MKLN1: variants seen among roughly 807,000 people sequenced by gnomAD.
MKLN1 encodes muskelin.
Under a neutral mutation model 99.0 loss-of-function variants are expected in MKLN1, and 18 were observed. The ratio of observed to expected loss-of-function variants is 0.18; its 90% CI spans 0.13 to 0.27. The LOEUF (loss-of-function observed/expected upper bound fraction) is 0.27. Among genes scored for constraint, MKLN1 ranks in the 10% least tolerant of loss-of-function variants. The pLI is 1.00. For synonymous variants in MKLN1, 288 were observed against 293.2 expected (o/e 0.98, Z 0.18); for missense variants, 621 against 875.9 (o/e 0.71, Z 3.67).
At chr7:131,146,066 A>T (rs1279270761) in intron 2 of MKLN1, among the ~76,000 whole-genome samples, 1 of 152,220 alleles carries the variant, frequency 6.6e-6, no homozygotes, top group Non-Finnish European at 1.5e-5. Flanking sequence ...CATTTTACAG[A>T]TGAGAAAGTG....
chr7:131,418,391 A>AAG (rs1563338357), intron 8 of MKLN1, among the ~76,000 whole-genome samples: 4 of 151,596 alleles, frequency 2.6e-5, no homozygotes, highest in South Asian at 2.1e-4. Flanking sequence ...AAAAAAAAAA[A>AAG]AGAGAGATAA....
intron 1 of MKLN1, among the ~76,000 whole-genome samples, chr7:131,121,329 C>T (rs986569238): frequency 1.3e-5 from 2 of 152,130 alleles, no homozygotes; most frequent in Non-Finnish European, 2.9e-5. Flanking sequence ...CAGAGCCAAA[C>T]CATGTCAGCT....
intron 3 of MKLN1, among the ~76,000 whole-genome samples, chr7:131,205,104 A>AAAAAAG (rs1324700226): frequency 6.6e-6 from 1 of 151,976 alleles, no homozygotes; most frequent in Non-Finnish European, 1.5e-5. Flanking sequence ...TCTCAAAAAA[A>AAAAAAG]AAAAAGAAAA....
At chr7:131,332,315 A>G (rs567540775) in intron 1 of MKLN1, among the ~76,000 whole-genome samples, 1 of 148,494 alleles carries the variant, frequency 6.7e-6, no homozygotes, top group Non-Finnish European at 1.5e-5. Flanking sequence ...TACATAAAAT[A>G]TATGTGCATA....
At chr7:131,225,269 C>T (rs1019319971) in intron 3 of MKLN1, among the ~76,000 whole-genome samples, 3 of 152,104 alleles carry the variant, frequency 2.0e-5, no homozygotes, top group African/African-American at 7.2e-5. Flanking sequence ...ATAAGCAGCA[C>T]CTTCTTGCTG....
At chr7:131,326,332 T>G (rs1198756160), upstream of MKLN1, among the ~76,000 whole-genome samples, 3 of 152,092 alleles carry the variant, frequency 2.0e-5, no homozygotes, top group East Asian at 5.8e-4. Context: ...ACATGTAATT[T>G]TTTATTTTAT....
intron 6 of MKLN1, among the ~76,000 whole-genome samples, chr7:131,400,843 A>C (rs922944042): frequency 6.6e-6 from 1 of 152,118 alleles, no homozygotes; most frequent in African/African-American, 2.4e-5. Flanking sequence ...AAAGGAACCA[A>C]GTTTAGAGAA....
intron 3 of MKLN1, among the ~76,000 whole-genome samples, chr7:131,232,989 A>G (rs1797265143): frequency 6.6e-6 from 1 of 152,184 alleles, no homozygotes; most frequent in Non-Finnish European, 1.5e-5. Flanking sequence ...GGAGGGAATG[A>G]GTGAAATGAG....
chr7:131,157,013 C>T (rs1044387581), intron 2 of MKLN1, among the ~76,000 whole-genome samples: 3 of 152,104 alleles, frequency 2.0e-5, no homozygotes, highest in South Asian at 2.1e-4. Context: ...TCATTGTCGC[C>T]GCTACTGAGG....
rs367943072 is a variant in MKLN1, at chr7:131,343,315, CACTTA to C, written c.98+15320_98+15324del. The stretch of plus-strand genomic sequence containing the variant: ...ACTTTTCCCTAAAGTTTATACAAGA[CACTTA>C]ATGGGCTGGGTCCTTGATCATGTAC... On this transcript the variant is annotated intron_variant, in intron 1 of 17. Coordinates refer to ENST00000352689, the MANE Select transcript of MKLN1 (RefSeq NM_013255.5). 8.6e-4 allele frequency among the ~76,000 whole-genome samples: 131 copies of C among 152,294 alleles called. 1 individual carries two copies. Among genetic ancestry groups the C allele is most frequent in the African/African-American group, 3.1e-3 (130 of 41,566 alleles).
intron 3 of MKLN1, among the ~76,000 whole-genome samples, chr7:131,229,504 A>C (rs1797209340): frequency 6.6e-6 from 1 of 151,444 alleles, no homozygotes; most frequent in South Asian, 2.1e-4. Context: ...CAGCCCTCTG[A>C]GAGAATAGAT....
intron 3 of MKLN1, among the ~76,000 whole-genome samples, chr7:131,289,378 C>T (rs1798181514): frequency 6.6e-6 from 1 of 152,204 alleles, no homozygotes; most frequent in Admixed American, 6.5e-5. Flanking sequence ...GTGGTCCCAG[C>T]ACTTTGGGAG....
Position 131,443,529 on chromosome 7 carries a change from A to G in MKLN1, c.1222A>G (p.Ile408Val). ...KHMIYTFGGRILTCNGSVDDS... is the reference protein window; with the variant it reads ...KHMIYTFGGRVLTCNGSVDDS... The stretch of plus-strand genomic sequence containing the variant: ...TATGATCTACACTTTTGGTGGTAGA[A>G]TTTTGACTTGTAATGGCAGCGTAGA... The change falls in exon 11 of 18, where the codon ATT (isoleucine) becomes GTT (valine). Residue 408 changes from isoleucine to valine, a missense_variant. Ile to Val is a conservative substitution (Grantham distance 29, BLOSUM62 3). Around this residue, in one of 8 missense-constraint regions of MKLN1, gnomAD observed 361 missense variants for 540.8 expected, o/e 0.67. Coordinates refer to ENST00000352689, the MANE Select transcript of MKLN1 (RefSeq NM_013255.5). 6.2e-7 allele frequency: 1 copy of G among 1,614,120 alleles called. No homozygotes were observed. The highest frequency in any genetic ancestry group is 8.5e-7 in the Non-Finnish European group (1 of 1,179,980).
chr7:131,192,203 CAATATATAAATATATAAA>C (rs1563247495), intron 2 of MKLN1, among the ~76,000 whole-genome samples: 2,441 of 63,336 alleles, frequency 0.039, 144 homozygotes, highest in Admixed American at 0.054. Context: ...ATAATATATA[CAATATATAAATATATAAA>C]ATATATACAA....
At chr7:131,374,886 A>G (rs1385284024) in intron 1 of MKLN1, among the ~76,000 whole-genome samples, 6 of 151,720 alleles carry the variant, frequency 4.0e-5, no homozygotes, top group Non-Finnish European at 7.4e-5. Context: ...TGTAATATGT[A>G]TATATGGTAT....
chr7:131,481,812 G>C (rs1797127263), intron 17 of MKLN1, among the ~76,000 whole-genome samples: 1 of 71,574 alleles, frequency 1.4e-5, no homozygotes, highest in Non-Finnish European at 2.6e-5. Flanking sequence ...TCTAAGGTCT[G>C]CAAAAAAAAA....
chr7:131,410,056 A>G (rs1185696899), intron 6 of MKLN1, among the ~76,000 whole-genome samples: 3 of 152,138 alleles, frequency 2.0e-5, no homozygotes, highest in African/African-American at 4.8e-5. Flanking sequence ...TCATTAGCCA[A>G]AATTGGGTTC....
chr7:131,281,737 A>G (rs2116579210), intron 3 of MKLN1, among the ~76,000 whole-genome samples: 1 of 151,680 alleles, frequency 6.6e-6, no homozygotes, highest in East Asian at 1.9e-4. Flanking sequence ...GGTGGAGCGC[A>G]GTGGCATGAT....
At chr7:131,341,886 A>C (rs989683749) in intron 1 of MKLN1, among the ~76,000 whole-genome samples, 1 of 152,076 alleles carries the variant, frequency 6.6e-6, no homozygotes, top group African/African-American at 2.4e-5. Flanking sequence ...TTGCTAACCC[A>C]CCGCCACTCA....
Sources: gnomAD v4.1 joint callset for allele counts (sites outside exome capture counted in the v4.1 genomes callset) on GRCh38, gnomAD v4.1.1 for gene constraint, gnomAD v4.1.1 regional missense constraint, MANE v1.5 for transcripts, NCBI Gene and HGNC (gene_info 2026-07-23, HGNC 2026-07-21) for gene names.